Variants in GRM8 observed in about 807,000 individuals in gnomAD.
The protein encoded by GRM8 is metabotropic glutamate receptor 8.
GRM8 carries 47 observed loss-of-function variants against 87.2 expected under a neutral mutation model. That is an observed-to-expected ratio of 0.54 (90% CI 0.43 to 0.69). The LOEUF is 0.69. GRM8 is among the 30% of genes least tolerant of loss of function. The probability of loss-of-function intolerance (pLI) is 0.00; values close to 1 mark genes in which losing one functional copy is unlikely to be tolerated. For synonymous variants in GRM8, 396 were observed against 404.5 expected (o/e 0.98, Z 0.25); for missense variants, 1,019 against 1,139.2 (o/e 0.89, Z 1.52).
intron 3 of GRM8, among the ~76,000 whole-genome samples, chr7:127,043,243 A>G (rs1487646438): frequency 2.0e-5 from 3 of 152,218 alleles, no homozygotes; most frequent in Admixed American, 6.5e-5. Flanking sequence ...AATACCATTT[A>G]ACCCAGCAAT....
At chr7:127,214,712 T>C (rs1391159953) in intron 2 of GRM8, among the ~76,000 whole-genome samples, 2 of 152,104 alleles carry the variant, frequency 1.3e-5, no homozygotes, top group Non-Finnish European at 2.9e-5. Context: ...CATGATCCAA[T>C]TACCTCCTAC....
chr7:126,522,854 T>C (rs1375365235), intron 9 of GRM8, among the ~76,000 whole-genome samples: 2 of 152,224 alleles, frequency 1.3e-5, no homozygotes. Flanking sequence ...TTACTCTGCC[T>C]TGACCAGTCA....
At chr7:126,868,977 C>T (rs1298291181) in intron 6 of GRM8, 1 of 152,140 alleles carries the variant, frequency 6.6e-6, no homozygotes, top group Non-Finnish European at 1.5e-5. Context: ...AGCATTTTAC[C>T]TACAGAAAAA....
intron 3 of GRM8, among the ~76,000 whole-genome samples, chr7:126,952,578 C>T (rs1358373687): frequency 6.6e-6 from 1 of 151,874 alleles, no homozygotes; most frequent in Non-Finnish European, 1.5e-5. Flanking sequence ...CAGCAGAAAC[C>T]ACCTTAATCA....
intron 9 of GRM8, among the ~76,000 whole-genome samples, chr7:126,469,077 C>T (rs574201261): frequency 1.3e-5 from 2 of 152,178 alleles, no homozygotes; most frequent in African/African-American, 4.8e-5. Flanking sequence ...GACCAACACC[C>T]ACTTGTGCAT....
At chr7:126,918,346 G>A (rs750234459) in intron 3 of GRM8, among the ~76,000 whole-genome samples, 8 of 152,166 alleles carry the variant, frequency 5.3e-5, no homozygotes, top group Non-Finnish European at 1.0e-4. Context: ...CCACAGAGAT[G>A]CATATTTCCT....
intron 8 of GRM8, among the ~76,000 whole-genome samples, chr7:126,589,780 C>T (rs10246439): frequency 1.3e-5 from 2 of 152,100 alleles, no homozygotes; most frequent in African/African-American, 2.4e-5. Context: ...GACTAAGAGA[C>T]AGAAAGATGG....
chr7:127,092,787 T>C (rs1349915051), intron 3 of GRM8, among the ~76,000 whole-genome samples: 4 of 152,090 alleles, frequency 2.6e-5, no homozygotes, highest in Admixed American at 6.5e-5. Context: ...GGCTGTGAGG[T>C]GGCATGCGTG....
rs1315342895 is a variant in GRM8, at chr7:127,243,052, G to A, written c.153C>T (p.Leu51=). ...RVDGDIILGG[L]FPVHAKGERG... ...TCTCTCCCTTTGCGTGGACAGGGAA[G>A]AGACCCCCCAAAATAATGTCCCCAT... is the stretch of plus-strand genomic sequence containing the variant. The change falls in exon 2 of 11, where the codon CTC becomes CTT. Residue 51 remains leucine, a synonymous_variant. Transcript: ENST00000339582. 1.9e-6 allele frequency: 3 copies of A among 1,614,022 alleles called. No homozygotes were observed. The highest frequency in any genetic ancestry group is 2.5e-6 in the Non-Finnish European group (3 of 1,179,974).
intron 3 of GRM8, among the ~76,000 whole-genome samples, chr7:127,057,644 T>C (rs1820134766): frequency 6.6e-6 from 1 of 152,206 alleles, no homozygotes; most frequent in Non-Finnish European, 1.5e-5. Context: ...ATAAAATGTA[T>C]GCCCAGAAAA....
At chr7:126,551,160 C>T (rs899835216) in intron 8 of GRM8, among the ~76,000 whole-genome samples, 1 of 152,074 alleles carries the variant, frequency 6.6e-6, no homozygotes, top group Admixed American at 6.6e-5. Flanking sequence ...TCTTTCTTCA[C>T]CATACCTTTA....
chr7:126,994,906 A>T (rs1813031183), intron 3 of GRM8, among the ~76,000 whole-genome samples: 2 of 152,162 alleles, frequency 1.3e-5, no homozygotes, highest in South Asian at 4.1e-4. Context: ...TATAGGTCGT[A>T]GTCAGGTAGC....
rs552467073 is a variant in GRM8, at chr7:126,625,047, C to A, written c.1358-15549G>T. Among the ~76,000 whole-genome samples the A allele has an allele frequency of 7.2e-5, 11 of 152,296 alleles. No homozygotes were observed. In the South Asian group the frequency reaches 1.2e-3, roughly 17 times the overall value. ...TATTTCTTCCAGCAGACACCCATAA[C>A]ATCCAAATATCTAGTGAGTTCTCAA... On this transcript the variant is annotated intron_variant, in intron 7 of 10. Transcript: ENST00000339582.
At chr7:126,735,279 A>G (rs1338862754) in intron 7 of GRM8, among the ~76,000 whole-genome samples, 3 of 152,144 alleles carry the variant, frequency 2.0e-5, no homozygotes, top group Non-Finnish European at 4.4e-5. Context: ...AAAGAAAAAT[A>G]GGCAAAGTAA....
Position 126,904,069 on chromosome 7 carries a change from G to A in GRM8, c.921C>T (p.Gly307=). 6.2e-7 allele frequency: 1 copy of A among 1,611,318 alleles called. No individual in the cohort carries two copies. Among genetic ancestry groups the A allele is most frequent in the Admixed American group, 1.7e-5 (1 of 59,862 alleles). The change falls in exon 5 of 11, where the codon GGC becomes GGT. Residue 307 remains glycine, a synonymous_variant. Transcript: ENST00000339582. ...CTATTTTGGATCCCCAACTATCTGA[G>A]CCAATCCAGAGAAAATGCCCACTTT... ...LNQSGHFLWI[G]SDSWGSKIAP...
chr7:126,694,929 C>G (rs1809214789), intron 7 of GRM8, among the ~76,000 whole-genome samples: 1 of 152,114 alleles, frequency 6.6e-6, no homozygotes, highest in Non-Finnish European at 1.5e-5. Context: ...ATCTGGGGGT[C>G]TGAGCTTAAG....
chr7:126,464,314 A>G (rs1804243339), intron 9 of GRM8, among the ~76,000 whole-genome samples: 1 of 151,614 alleles, frequency 6.6e-6, no homozygotes, highest in African/African-American at 2.4e-5. Context: ...GTATTTTACC[A>G]TTCCTTTATT....
intron 6 of GRM8, among the ~76,000 whole-genome samples, chr7:126,793,883 T>C (rs1174288634): frequency 6.6e-6 from 1 of 152,192 alleles, no homozygotes; most frequent in Admixed American, 6.5e-5. Context: ...AGGTCAATGA[T>C]GGCATATGGA....
At chr7:126,456,631 T>G (rs1305816250) in intron 9 of GRM8, among the ~76,000 whole-genome samples, 2 of 150,504 alleles carry the variant, frequency 1.3e-5, no homozygotes, top group East Asian at 3.9e-4. Flanking sequence ...ATCAGACATT[T>G]AGCCAATATA....
Sources: gnomAD v4.1 joint callset for allele counts (sites outside exome capture counted in the v4.1 genomes callset) on GRCh38, gnomAD v4.1.1 for gene constraint, MANE v1.5 for transcripts, NCBI Gene and HGNC (gene_info 2026-07-23, HGNC 2026-07-21) for gene names.